ACKR2: variants seen among roughly 807,000 people sequenced by gnomAD.
The protein encoded by ACKR2 is atypical chemokine receptor 2, also known as C-C chemokine receptor D6.
For synonymous variants in ACKR2, 207 were observed against 192.2 expected, an observed-to-expected ratio of 1.08 and a Z score of -0.64; for missense variants, 457 against 477.3, an observed-to-expected ratio of 0.96 and a Z score of 0.40.
chr3:42,828,026 G>A (rs1700886924), intron 2 of ACKR2, among the ~76,000 whole-genome samples: 1 of 150,418 alleles, frequency 6.6e-6, no homozygotes, highest in Non-Finnish European at 1.5e-5. Flanking sequence ...GGAAAGAGCT[G>A]TAGTCATAAA....
chr3:42,860,189 A>AAAAAACAAC (rs376833790), intron 2 of ACKR2, among the ~76,000 whole-genome samples: 1 of 111,520 alleles, frequency 9.0e-6, no homozygotes, highest in Non-Finnish European at 1.9e-5. Flanking sequence ...AAAAAAAAAA[A>AAAAAACAAC]GCAGGGGATG....
intron 2 of ACKR2, among the ~76,000 whole-genome samples, chr3:42,822,573 C>G (rs1384535721): frequency 6.6e-6 from 1 of 152,138 alleles, no homozygotes; most frequent in African/African-American, 2.4e-5. Context: ...TAAAAACAGG[C>G]TGGGTGCGGT....
chr3:42,843,433 T>G (rs921886596), intron 2 of ACKR2, among the ~76,000 whole-genome samples: 3 of 152,258 alleles, frequency 2.0e-5, no homozygotes, highest in Middle Eastern at 3.4e-3. Context: ...CATTGGTAGT[T>G]GGGTAATATT....
chr3:42,846,840 G>A (rs559307995), intron 2 of ACKR2, among the ~76,000 whole-genome samples: 2 of 152,300 alleles, frequency 1.3e-5, no homozygotes, highest in South Asian at 4.1e-4. Context: ...ATGCAGTGGG[G>A]GATGTTCAGA....
Position 42,828,092 on chromosome 3 carries a change from A to ATTTTTT in ACKR2, c.-38+8389_-38+8394dup, listed in dbSNP as rs71072742. Among the ~76,000 whole-genome samples, 525 of 121,860 alleles carry ATTTTTT rather than the reference A, an allele frequency of 4.3e-3. 4 individuals carry two copies. Among genetic ancestry groups the ATTTTTT allele is most frequent in the Middle Eastern group, 0.022 (5 of 224 alleles). The allele number at this position is 121,860 out of a possible 152,430, so 79.9% of individuals were successfully genotyped here. The stretch of plus-strand genomic sequence containing the variant: ...GCTTGCATTATATATATATATATAT[A>ATTTTTT]TTTTTTTTTTTTTCTTTTCTTTTCT... On this transcript the variant is annotated intron_variant, in intron 2 of 2. Transcript: ENST00000422265.
rs2088427514 is a variant in ACKR2, at chr3:42,865,463, C to T, written c.961C>T (p.Gln321Ter). Residue 321 changes from glutamine (Q) to a stop codon, truncating the protein, a stop_gained, in exon 3 of 3, where the codon CAG becomes TAG. Transcript: ENST00000422265. LOFTEE classifies it low-confidence loss of function (END_TRUNC). ...LYAFSSHRFR[Q>*]YLKAFLAAVL... Reference sequence around the variant, plus strand: ...TGCCTTCTCCAGTCACCGCTTCCGCCAGTACCTGAAGGCTTTCCTGGCTGC... The same window carrying T: ...TGCCTTCTCCAGTCACCGCTTCCGCTAGTACCTGAAGGCTTTCCTGGCTGC... 6 of 1,614,180 alleles carry T rather than the reference C, an allele frequency of 3.7e-6. No individual in the cohort carries two copies. The highest frequency in any genetic ancestry group is 3.3e-5 in the Admixed American group (2 of 60,018).
chr3:42,818,253 A>G (rs747137377), intron 1 of ACKR2, among the ~76,000 whole-genome samples: 1 of 152,118 alleles, frequency 6.6e-6, no homozygotes, highest in Admixed American at 6.5e-5. Context: ...TTTCTCCTAA[A>G]TTCCCTGACG....
chr3:42,814,197 C>T (rs1044363052), intron 1 of ACKR2, among the ~76,000 whole-genome samples: 2 of 152,206 alleles, frequency 1.3e-5, no homozygotes, highest in African/African-American at 4.8e-5. Context: ...CAATGACACA[C>T]TTACATCTTT....
chr3:42,848,026 C>T (rs1244756412), intron 2 of ACKR2, among the ~76,000 whole-genome samples: 1 of 151,818 alleles, frequency 6.6e-6, no homozygotes, highest in African/African-American at 2.4e-5. Flanking sequence ...AGTGACTTAG[C>T]CGTGGGCCAC....
At chr3:42,854,549 C>T (rs1387382328) in intron 2 of ACKR2, among the ~76,000 whole-genome samples, 1 of 152,188 alleles carries the variant, frequency 6.6e-6, no homozygotes, top group Non-Finnish European at 1.5e-5. Flanking sequence ...TCCCCGGCCC[C>T]CCATTTGCTA....
intron 2 of ACKR2, among the ~76,000 whole-genome samples, chr3:42,838,351 A>G (rs1266695034): frequency 6.6e-6 from 1 of 152,200 alleles, no homozygotes; most frequent in Non-Finnish European, 1.5e-5. Flanking sequence ...TAGTAAGAAA[A>G]CACACAGCCC....
At position 42,825,852 on chromosome 3, in the gene ACKR2, T is replaced by G. The variant is rs189061880; in HGVS notation, c.-38+6141T>G. ...CATTAAGTGTGATGTTAGCTCTGGG[T>G]TTTTTTTTTTTTGTTTTTTTTTTTT... is the stretch of plus-strand genomic sequence containing the variant. On this transcript the variant is annotated intron_variant, in intron 2 of 2. Transcript: ENST00000422265. Among the ~76,000 whole-genome samples, 827 of 104,158 alleles carry G rather than the reference T, an allele frequency of 7.9e-3. 9 individuals carry two copies. Among genetic ancestry groups the G allele is most frequent in the African/African-American group, 0.023 (799 of 35,154 alleles). The allele number at this position is 104,158 out of a possible 152,430, so 68.3% of individuals were successfully genotyped here. A position where few individuals can be genotyped will look rare whatever the true frequency, so the allele number is the denominator to read the frequency against.
intron 2 of ACKR2, chr3:42,856,451 A>T (rs1200135173): frequency 1.4e-6 from 1 of 699,710 alleles, no homozygotes; most frequent in South Asian, 1.5e-5. Context: ...GACCCGAGTC[A>T]ACATTTCTTT....
In ACKR2 at chr3:42,864,559, T is replaced by C. The variant is rs762684097; in HGVS notation, c.57T>C (p.Asn19=). 8.7e-6 allele frequency: 14 copies of C among 1,613,648 alleles called. No homozygotes were observed. The highest frequency in any genetic ancestry group is 3.3e-5 in the Admixed American group (2 of 59,980). The change falls in exon 3 of 3, where the codon AAT becomes AAC. Residue 19 remains asparagine, a synonymous_variant. Coordinates refer to ENST00000422265, the MANE Select transcript of ACKR2 (RefSeq NM_001296.5). The part of the protein sequence containing the change: ...PLATEDADSE[N]SSFYYYDYLD... ...CCACTGAGGATGCCGATTCTGAGAA[T>C]AGCAGCTTCTATTACTATGACTACC...
chr3:42,852,663 CT>C lies in ACKR2; in HGVS notation c.-37-11800del, dbSNP rs1008252323. 3.3e-5 allele frequency among the ~76,000 whole-genome samples: 5 copies of C among 152,148 alleles called. No homozygotes were observed. Among genetic ancestry groups the C allele is most frequent in the Non-Finnish European group, 7.4e-5 (5 of 68,020 alleles). ...ACAAGGCCACTCCCTTCCAGCCAGA[CT>C]TTGTGTAATCTGGTGTACCAGACGT... On this transcript the variant is annotated intron_variant, in intron 2 of 2. Coordinates refer to ENST00000422265, the MANE Select transcript of ACKR2 (RefSeq NM_001296.5). This position sits in a 1 kb window ranked among gnomAD's most constrained non-coding sequence, Gnocchi z 4.3.
At chr3:42,811,455 G>A (rs548773162) in intron 1 of ACKR2, among the ~76,000 whole-genome samples, 15 of 152,210 alleles carry the variant, frequency 9.9e-5, no homozygotes, top group South Asian at 6.2e-4. Flanking sequence ...CTCCATTCTC[G>A]ATTAACCAGG....
chr3:42,841,167 A>T (rs1338651280), intron 2 of ACKR2, among the ~76,000 whole-genome samples: 2 of 152,224 alleles, frequency 1.3e-5, no homozygotes, highest in African/African-American at 4.8e-5. Context: ...ACCAAGTTTT[A>T]AAAAAATTAT....
chr3:42,831,040 A>T (rs573067549), intron 2 of ACKR2, among the ~76,000 whole-genome samples: 21 of 151,468 alleles, frequency 1.4e-4, no homozygotes, highest in East Asian at 9.7e-4. Flanking sequence ...CAAAAAAAAT[A>T]AAAAAAAAGA....
intron 2 of ACKR2, among the ~76,000 whole-genome samples, chr3:42,828,092 ATTTT>A (rs71072742): frequency 9.0e-5 from 11 of 121,896 alleles, no homozygotes; most frequent in African/African-American, 3.2e-4. Context: ...ATATATATAT[ATTTT>A]TTTTTTTTTC....
Sources: gnomAD v4.1 joint callset for allele counts (sites outside exome capture counted in the v4.1 genomes callset) on GRCh38, gnomAD v4.1.1 for gene constraint, Gnocchi (gnomAD v3.1) non-coding constraint, MANE v1.5 for transcripts, NCBI Gene and HGNC (gene_info 2026-07-23, HGNC 2026-07-21) for gene names.